The following MEGF10 variants were observed in gnomAD, a reference collection of about 807,000 sequenced individuals.
The protein encoded by MEGF10 is multiple epidermal growth factor-like domains protein 10.
MEGF10 carries 86 observed loss-of-function variants against 147.5 expected under a neutral mutation model. The ratio of observed to expected loss-of-function variants is 0.58; its 90% confidence interval spans 0.49 to 0.70. The LOEUF (loss-of-function observed/expected upper bound fraction) is 0.70. Ranked by LOEUF, MEGF10 falls within the 30% of genes least tolerant of loss-of-function variation. MEGF10 has a pLI of 0.00. For synonymous variants in MEGF10, 478 were observed against 525.5 expected, an observed-to-expected ratio of 0.91 and a Z score of 1.24; for missense variants, 1,329 against 1,487.3, an observed-to-expected ratio of 0.89 and a Z score of 1.75.
chr5:127,350,455 G>A (rs1157801175), intron 4 of MEGF10, among the ~76,000 whole-genome samples: 1 of 151,742 alleles, frequency 6.6e-6, no homozygotes, highest in Middle Eastern at 3.2e-3. Flanking sequence ...TTTTCTCCCT[G>A]CCCCTTCCTG....
intron 1 of MEGF10, among the ~76,000 whole-genome samples, chr5:127,293,833 C>T (rs1196530937): frequency 1.3e-5 from 2 of 152,168 alleles, no homozygotes; most frequent in Non-Finnish European, 2.9e-5. Flanking sequence ...GTAAAGCTGA[C>T]GTCAGATCAC....
chr5:127,247,458 GAAGAAGAAGAAGA>G, the MEGF10 span, among the ~76,000 whole-genome samples: 1 of 134,518 alleles, frequency 7.4e-6, no homozygotes, highest in African/African-American at 2.9e-5. Context: ...AGAAGAAGAA[GAAGAAGAAGAAGA>G]AGAAGAAGAA....
At chr5:127,233,239 C>T in the MEGF10 span, among the ~76,000 whole-genome samples, 3 of 152,222 alleles carry the variant, frequency 2.0e-5, no homozygotes, top group Non-Finnish European at 4.4e-5. Context: ...TCCGCAGAAT[C>T]CTTGTCTTCT....
chr5:127,379,064 C>CTTTTTTTTTTTTT (rs35798578), intron 5 of MEGF10, among the ~76,000 whole-genome samples: 1 of 121,472 alleles, frequency 8.2e-6, no homozygotes, highest in African/African-American at 3.0e-5. Context: ...ATTGATTTTT[C>CTTTTTTTTTTTTT]TTTTTTTTTT....
intron 3 of MEGF10, among the ~76,000 whole-genome samples, chr5:127,339,639 T>C (rs1761604089): frequency 6.6e-6 from 1 of 152,164 alleles, no homozygotes; most frequent in African/African-American, 2.4e-5. Flanking sequence ...TTTTTTTCTA[T>C]AAATGTGAAC....
intron 1 of MEGF10, among the ~76,000 whole-genome samples, chr5:127,313,250 T>G (rs1760377514): frequency 6.6e-6 from 1 of 152,166 alleles, no homozygotes; most frequent in African/African-American, 2.4e-5. Flanking sequence ...GAGATAATTT[T>G]TTTGTTTGTT....
In MEGF10 at chr5:127,449,184, C is replaced by T. The variant is rs1064793648; in HGVS notation, c.2942C>T (p.Pro981Leu). 5.0e-6 allele frequency: 8 copies of T among 1,613,662 alleles called. No individual in the cohort carries two copies. In the African/African-American group the frequency reaches 6.7e-5, roughly 13 times the overall value. Residue 981 changes from proline (P) to leucine (L), a missense_variant, in exon 22 of 25, where the codon CCG becomes CTG. Physicochemically the swap from Pro to Leu is moderately conservative, Grantham distance 98 (BLOSUM62 -3). Around this residue, in one of 3 missense-constraint regions of MEGF10, gnomAD observed 343 missense variants for 377.9 expected, o/e 0.91. Coordinates refer to ENST00000503335, the MANE Select transcript of MEGF10 (RefSeq NM_001256545.2). ...GTGGGGGACTGCACTGGGACATTGCCGGCTGACTGGAAACATGGCGGCTAC... is the reference window on the plus strand; with the variant it reads ...GTGGGGGACTGCACTGGGACATTGCTGGCTGACTGGAAACATGGCGGCTAC... ...GPVGDCTGTL[P>L]ADWKHGGYLN...
At position 127,387,609 on chromosome 5, in the gene MEGF10, G is replaced by A. The variant is rs190615738; in HGVS notation, c.413-8923G>A. Among the ~76,000 whole-genome samples the A allele has an allele frequency of 2.4e-4, 36 of 152,316 alleles. No individual in the cohort carries two copies. In the East Asian group the frequency reaches 6.4e-3, roughly 27 times the overall value. ...GGGTGTTCAGCGTGGCATAAGGGAT[G>A]ATTGCAGCTTTGGAGACATTGCATT... On this transcript the variant is annotated intron_variant, in intron 5 of 24. Coordinates refer to ENST00000503335, the MANE Select transcript of MEGF10 (RefSeq NM_001256545.2).
rs778154840 is a variant in MEGF10 at position 127,435,436 on chromosome 5, T to C, written c.2051T>C (p.Ile684Thr). Residue 684 changes from isoleucine to threonine, a missense_variant, in exon 16 of 25, where the codon ATT becomes ACT. Coordinates refer to ENST00000503335, the MANE Select transcript of MEGF10 (RefSeq NM_001256545.2). The stretch of plus-strand genomic sequence containing the variant: ...ACCAACAACGGAACCTGTAACCCCA[T>C]TGACAGATCTTGTCAGTGTTACCCC... ...TCTNNGTCNP[I>T]DRSCQCYPGW... 2.0e-5 allele frequency: 32 copies of C among 1,614,006 alleles called. No homozygotes were observed. Among genetic ancestry groups the C allele is most frequent in the East Asian group, 8.9e-5 (4 of 44,894 alleles).
At chr5:127,325,435 G>C (rs1291024402) in intron 1 of MEGF10, among the ~76,000 whole-genome samples, 1 of 152,050 alleles carries the variant, frequency 6.6e-6, no homozygotes, top group African/African-American at 2.4e-5. Flanking sequence ...AGACATTGTA[G>C]AGGATTTTCC....
At chr5:127,327,714 C>CTTTTT (rs11285616) in intron 1 of MEGF10, among the ~76,000 whole-genome samples, 2 of 122,906 alleles carry the variant, frequency 1.6e-5, no homozygotes, top group Non-Finnish European at 3.4e-5. Context: ...CTTTTCTTTT[C>CTTTTT]TTTTTTTTTT....
intron 5 of MEGF10, among the ~76,000 whole-genome samples, chr5:127,377,177 T>G (rs956120663): frequency 3.9e-5 from 6 of 152,218 alleles, no homozygotes; most frequent in African/African-American, 1.4e-4. Flanking sequence ...CTTTAAGCAA[T>G]ATGTATATGC....
Position 127,417,698 on chromosome 5 carries a change from T to C in MEGF10, c.1191T>C (p.Asn397=), listed in dbSNP as rs370883172. Residue 397 remains asparagine, a synonymous_variant, in exon 10 of 25, where the codon AAT becomes AAC. Transcript: ENST00000503335. ...CGGGCTGGTCAGGACTCTACTGTAA[T>C]GAGACATGTTCTCCTGGATTCTACG... ...CKPGWSGLYC[N]ETCSPGFYGE... 5 of 1,614,068 alleles carry C rather than the reference T, an allele frequency of 3.1e-6. No individual in the cohort carries two copies. In the African/African-American group the frequency reaches 5.3e-5, roughly 17 times the overall value.
chr5:127,327,350 G>T (rs746821476), intron 1 of MEGF10, among the ~76,000 whole-genome samples: 7 of 152,184 alleles, frequency 4.6e-5, no homozygotes, highest in African/African-American at 1.2e-4. Flanking sequence ...TGAAGAGGAA[G>T]TCTGAGTGGG....
intron 9 of MEGF10, among the ~76,000 whole-genome samples, chr5:127,415,775 C>T (rs767422614): frequency 1.3e-5 from 2 of 151,336 alleles, no homozygotes; most frequent in South Asian, 2.1e-4. Flanking sequence ...ATGGGGCACA[C>T]GCCTGTAATC....
chr5:127,331,148 G>T (rs2126783599), intron 1 of MEGF10, 143 bp from the exon 2 acceptor site: 3 of 561,616 alleles, frequency 5.3e-6, no homozygotes, highest in South Asian at 2.4e-5. Context: ...CATGGAATTT[G>T]GTGACCTGGC....
chr5:127,314,341 A>G (rs1162155501), intron 1 of MEGF10, among the ~76,000 whole-genome samples: 1 of 152,132 alleles, frequency 6.6e-6, no homozygotes, highest in Non-Finnish European at 1.5e-5. Context: ...GTCAGGGAGG[A>G]GTAGAATAGG....
rs372102698 is a variant in MEGF10, at chr5:127,410,673, A to G, written c.1130+72A>G. On this transcript the variant is annotated intron_variant, in intron 9 of 24. Coordinates refer to ENST00000503335, the MANE Select transcript of MEGF10 (RefSeq NM_001256545.2). Reference sequence around the variant, plus strand: ...ACCTTGGTTTTCAGGATTTGGAAGGAGGGATTGATAGAGTGATTCTCACCC... The same window carrying G: ...ACCTTGGTTTTCAGGATTTGGAAGGGGGGATTGATAGAGTGATTCTCACCC... 4.7e-4 allele frequency: 629 copies of G among 1,348,096 alleles called. 4 individuals are homozygous for G. The African/African-American group carries it at 8.0e-3, about 17-fold the overall frequency. 83.5% of individuals were successfully genotyped at this position (1,348,096 alleles called of 1,614,324 possible). A position where few individuals can be genotyped will look rare whatever the true frequency, so the allele number is the denominator to read the frequency against.
intron 8 of MEGF10, among the ~76,000 whole-genome samples, chr5:127,404,706 G>A (rs149922996): frequency 9.8e-4 from 149 of 151,972 alleles, no homozygotes; most frequent in Non-Finnish European, 1.9e-3. Context: ...TTAGGTAAAT[G>A]TGTCCCTGGA....
Sources: allele counts gnomAD v4.1 joint callset (sites outside exome capture counted in the v4.1 genomes callset), GRCh38; gene constraint gnomAD v4.1.1; regional missense constraint gnomAD v4.1.1; transcripts MANE v1.5; gene names NCBI Gene and HGNC (gene_info 2026-07-23, HGNC 2026-07-21).